The following CCDC15 variants were observed in gnomAD, a reference collection of about 807,000 sequenced individuals.
CCDC15 encodes the protein coiled-coil domain containing 15, also known as coiled-coil domain-containing protein 15.
CCDC15 carries 105 observed loss-of-function variants against 114.5 expected under a neutral mutation model. That is an observed-to-expected ratio of 0.92 (90% CI 0.78 to 1.08). The LOEUF is 1.08. Ranked by LOEUF, CCDC15 falls within the 50% of genes least tolerant of loss-of-function variation. The pLI is 0.00. For missense variants in CCDC15, 1,105 were observed against 1,093.6 expected (o/e 1.01, Z -0.15); for synonymous variants, 334 against 377.8 (o/e 0.88, Z 1.34).
rs138934118 is a variant in CCDC15 at position 125,004,230 on chromosome 11, G to A, written c.2307+271G>A. Among the ~76,000 whole-genome samples the A allele has an allele frequency of 8.8e-3, 1,332 of 151,898 alleles. 16 individuals carry two copies. The highest frequency in any genetic ancestry group is 0.012 in the Non-Finnish European group (815 of 67,816). ...ATTTGCCACTATAACTTATTTAAAG[G>A]AAGATAATTACTTTATGGCTTTCTT... On this transcript the variant is annotated intron_variant, in intron 12 of 15. Coordinates refer to ENST00000344762, the MANE Select transcript of CCDC15 (RefSeq NM_025004.3).
At chr11:125,007,076 T>C (rs747839671) in intron 13 of CCDC15, among the ~76,000 whole-genome samples, 2 of 152,232 alleles carry the variant, frequency 1.3e-5, no homozygotes, top group African/African-American at 4.8e-5. Flanking sequence ...TCTCAAACAT[T>C]ATGATTTCTT....
chr11:125,028,031 C>T (rs1948716464), intron 13 of CCDC15, among the ~76,000 whole-genome samples: 1 of 152,038 alleles, frequency 6.6e-6, no homozygotes, highest in Non-Finnish European at 1.5e-5. Context: ...CTTTGTTGAA[C>T]TTCAGTTGGC....
chr11:124,979,135 A>G (rs1280212518), intron 6 of CCDC15, among the ~76,000 whole-genome samples: 2 of 151,998 alleles, frequency 1.3e-5, no homozygotes, highest in Admixed American at 6.6e-5. Flanking sequence ...TGGGCTCTCT[A>G]TCTGTTCCAT....
intron 13 of CCDC15, among the ~76,000 whole-genome samples, chr11:125,035,280 A>G (rs1478543951): frequency 1.3e-5 from 2 of 152,090 alleles, no homozygotes; most frequent in African/African-American, 4.8e-5. Context: ...CAGGAATAAT[A>G]CTTTACATCC....
chr11:124,975,057 T>C (rs1947950449), intron 4 of CCDC15, 39 bp from the exon 5 acceptor site: 2 of 1,335,390 alleles, frequency 1.5e-6, no homozygotes, highest in Non-Finnish European at 2.1e-6. Context: ...TTAAAACTTA[T>C]CCTGCTTTTG....
intron 13 of CCDC15, among the ~76,000 whole-genome samples, chr11:125,025,837 A>G (rs749789399): frequency 1.3e-5 from 2 of 152,114 alleles, no homozygotes; most frequent in Non-Finnish European, 2.9e-5. Context: ...GATAATTTAT[A>G]TCCTTTATTC....
chr11:124,969,310 G>C (rs1197262913), intron 4 of CCDC15, among the ~76,000 whole-genome samples: 3 of 152,004 alleles, frequency 2.0e-5, no homozygotes, highest in Non-Finnish European at 4.4e-5. Context: ...ATTGTAGACT[G>C]GAAGAAATTT....
At chr11:124,988,859 C>A (rs1445038238) in intron 8 of CCDC15, among the ~76,000 whole-genome samples, 2 of 152,222 alleles carry the variant, frequency 1.3e-5, no homozygotes, top group African/African-American at 4.8e-5. Context: ...TCTTCAGGCT[C>A]CACTTCTAAT....
intron 13 of CCDC15, among the ~76,000 whole-genome samples, chr11:125,025,055 A>AATATATATATGAAT (rs1555074456): frequency 2.4e-5 from 3 of 123,496 alleles, no homozygotes; most frequent in Admixed American, 1.6e-4. Flanking sequence ...AATATATATG[A>AATATATATATGAAT]ATATATATAT....
At chr11:125,040,321 G>C (rs1439694309) in intron 15 of CCDC15, among the ~76,000 whole-genome samples, 1 of 152,168 alleles carries the variant, frequency 6.6e-6, no homozygotes, top group Non-Finnish European at 1.5e-5. Context: ...ACAGGTGTGA[G>C]CCACTGTGCC....
Position 125,038,605 on chromosome 11 carries a change from G to A in CCDC15, c.2585+1G>A, listed in dbSNP as rs1040864247. ...AACAGAGAGAAAAAGAATACCTGAG[G>A]TAATTTGAAAAGGTCTTCATGATAT... is the stretch of plus-strand genomic sequence containing the variant. On this transcript the variant is annotated splice_donor_variant, in intron 14 of 15. Coordinates refer to ENST00000344762, the MANE Select transcript of CCDC15 (RefSeq NM_025004.3). LOFTEE classifies it high-confidence loss of function. The A allele has an allele frequency of 6.4e-7, 1 of 1,551,756 alleles. No individual in the cohort carries two copies. The highest frequency in any genetic ancestry group is 2.1e-5 in the Admixed American group (1 of 46,694).
Position 124,977,520 on chromosome 11 carries a change from G to T in CCDC15, c.673G>T (p.Gly225Ter). 1 of 1,604,500 alleles carries T rather than the reference G, an allele frequency of 6.2e-7. No homozygotes were observed. Among genetic ancestry groups the T allele is most frequent in the East Asian group, 2.2e-5 (1 of 44,452 alleles). Residue 225 changes from glycine (G) to a stop codon, truncating the protein, a stop_gained, in exon 6 of 16, where the codon GGA becomes TGA. Transcript: ENST00000344762. LOFTEE classifies it high-confidence loss of function. ...ACCAGCATCCACTGGGATAAATACA[G>T]GAATAAGAGGAGAGTTGCCCATTAA... ...RKPASTGINTGIRGELPIKVH... is the reference protein window; with the variant it reads ...RKPASTGINT
chr11:124,981,278 T>A (rs1050715708), intron 6 of CCDC15, among the ~76,000 whole-genome samples: 3 of 152,202 alleles, frequency 2.0e-5, no homozygotes, highest in Admixed American at 6.6e-5. Flanking sequence ...TTTGTAGATA[T>A]CTATAAGGTC....
In CCDC15 at chr11:124,954,914, G is replaced by A. The variant is rs1172541094; in HGVS notation, c.177+5G>A. 5.6e-6 allele frequency: 9 copies of A among 1,613,340 alleles called. No individual in the cohort carries two copies. Among genetic ancestry groups the A allele is most frequent in the African/African-American group, 2.7e-5 (2 of 74,916 alleles). On this transcript the variant is annotated splice_donor_5th_base_variant and intron_variant, in intron 2 of 15. Coordinates refer to ENST00000344762, the MANE Select transcript of CCDC15 (RefSeq NM_025004.3). ...AGTTCGGAAATCCCAGCATATGTGA[G>A]TGTCAGTTTGATCCAAATATGGTGG...
chr11:125,009,636 T>A (rs1359259347), intron 13 of CCDC15, among the ~76,000 whole-genome samples: 1 of 152,178 alleles, frequency 6.6e-6, no homozygotes, highest in East Asian at 1.9e-4. Flanking sequence ...ATAGGTAATT[T>A]TCAGCCTTTT....
rs1247573604 is a variant in CCDC15, at chr11:124,959,922, G to A, written c.435G>A (p.Arg145=). ...NNLNVAIGSS[R]LPPSLMPGDG... ...TGAATGTTGCTATTGGAAGTTCTAG[G>A]TTACCTCCTTCCCTGATGCCTGGGG... Residue 145 remains arginine, a synonymous_variant, in exon 4 of 16, where the codon AGG becomes AGA. Coordinates refer to ENST00000344762, the MANE Select transcript of CCDC15 (RefSeq NM_025004.3). 2 of 1,587,458 alleles carry A rather than the reference G, an allele frequency of 1.3e-6. No homozygotes were observed. Among genetic ancestry groups the A allele is most frequent in the African/African-American group, 2.7e-5 (2 of 74,576 alleles).
rs1229272152 is a variant in CCDC15, at chr11:125,039,054, T to C, written c.2719T>C (p.Tyr907His). ...TACCTGTGCCAACAACTGTATTTTC[T>C]ATAAAAACCACAGAGGTAAGTTTCT... ...PDTCANNCIF[Y>H]KNHRAYTRAL... Residue 907 changes from tyrosine (Y) to histidine (H), a missense_variant, in exon 15 of 16, where the codon TAT becomes CAT. Transcript: ENST00000344762. 2 of 1,597,036 alleles carry C rather than the reference T, an allele frequency of 1.3e-6. No homozygotes were observed. Among genetic ancestry groups the C allele is most frequent in the South Asian group, 2.3e-5 (2 of 88,616 alleles).
rs375174306 is a variant in CCDC15 at position 124,999,971 on chromosome 11, C to T, written c.2215-3896C>T. Among the ~76,000 whole-genome samples, 485 of 146,078 alleles carry T rather than the reference C, an allele frequency of 3.3e-3. 1 individual carries two copies. Among genetic ancestry groups the T allele is most frequent in the Non-Finnish European group, 5.3e-3 (359 of 67,342 alleles). ...CTGCTTCCTGAGTTCAAGTGATTCT[C>T]GTGTCTCAGCCTCCCTAGTAGCTGG... is the stretch of plus-strand genomic sequence containing the variant. On this transcript the variant is annotated intron_variant, in intron 11 of 15. Coordinates refer to ENST00000344762, the MANE Select transcript of CCDC15 (RefSeq NM_025004.3).
At chr11:125,001,291 TC>T in intron 11 of CCDC15, among the ~76,000 whole-genome samples, 1 of 152,370 alleles carries the variant, frequency 6.6e-6, no homozygotes, top group African/African-American at 2.4e-5. Context: ...TTTTCACAGC[TC>T]TGTGCATGTC....
Sources: gnomAD v4.1 joint callset for allele counts (sites outside exome capture counted in the v4.1 genomes callset) on GRCh38, gnomAD v4.1.1 for gene constraint, MANE v1.5 for transcripts, NCBI Gene and HGNC (gene_info 2026-07-23, HGNC 2026-07-21) for gene names.